SNX1: variants seen among roughly 807,000 people sequenced by gnomAD.
SNX1 encodes the protein sorting nexin 1, also known as sorting nexin-1.
A neutral mutation model predicts 71.8 loss-of-function variants in SNX1; 36 were observed. The observed-to-expected ratio is 0.50, with a 90% CI of 0.38 to 0.66. The LOEUF (loss-of-function observed/expected upper bound fraction) is 0.66. Among genes scored for constraint, SNX1 ranks in the 30% least tolerant of loss-of-function variants. SNX1 has a pLI of 0.00. For synonymous variants in SNX1, 254 were observed against 240.7 expected (o/e 1.06, Z -0.51); for missense variants, 612 against 646.7 (o/e 0.95, Z 0.58).
intron 2 of SNX1, among the ~76,000 whole-genome samples, chr15:64,117,449 G>T (rs2081141802): frequency 6.6e-6 from 1 of 151,976 alleles, no homozygotes; most frequent in African/African-American, 2.4e-5. Context: ...GTAGAGACGG[G>T]GTTTCACCAT....
At chr15:64,096,363 A>T (rs988712621) in intron 1 of SNX1, among the ~76,000 whole-genome samples, 191 bp downstream of exon 1, 1 of 152,170 alleles carries the variant, frequency 6.6e-6, no homozygotes, top group Non-Finnish European at 1.5e-5. Flanking sequence ...AGGCGGGAAG[A>T]GTAAAGAATG....
At chr15:64,096,819 T>C (rs1355270224) in intron 1 of SNX1, among the ~76,000 whole-genome samples, 6 of 152,246 alleles carry the variant, frequency 3.9e-5, no homozygotes, top group Non-Finnish European at 8.8e-5. Context: ...CGTACCTCAC[T>C]GGGAGCAAAT....
chr15:64,119,390 G>A (rs1156711180), intron 4 of SNX1, among the ~76,000 whole-genome samples: 4 of 151,838 alleles, frequency 2.6e-5, no homozygotes, highest in African/African-American at 4.8e-5. Flanking sequence ...TTAAAGCACC[G>A]AGATTACAGG....
In SNX1 at chr15:64,136,464, A is replaced by G. The variant is rs1162975137; in HGVS notation, c.1446+54A>G. The G allele has an allele frequency of 3.5e-6, 5 of 1,425,838 alleles. No individual in the cohort carries two copies. In the East Asian group the frequency reaches 1.1e-4, roughly 32 times the overall value. 88.3% of individuals were successfully genotyped at this position (1,425,838 alleles called of 1,614,324 possible). On this transcript the variant is annotated intron_variant, in intron 13 of 14. Transcript: ENST00000559844. Reference sequence around the variant, plus strand: ...AGCATGCAGTGCTTGTTTTGGGAGTACTCTTGGTGTTGTCCAACTCTGTTG... The same window carrying G: ...AGCATGCAGTGCTTGTTTTGGGAGTGCTCTTGGTGTTGTCCAACTCTGTTG...
chr15:64,127,905 G>T, intron 8 of SNX1, 99 bp downstream of exon 8: 1 of 773,680 alleles, frequency 1.3e-6, no homozygotes, highest in Non-Finnish European at 2.2e-6. Context: ...AACATGCCTA[G>T]TACTAGACTG....
chr15:64,131,788 G>C lies in SNX1; in HGVS notation c.1117G>C (p.Val373Leu). Reference protein sequence around the residue: ...LSRALSQLAEVEEKIEQLHQE... With the variant: ...LSRALSQLAELEEKIEQLHQE... ...ACGGGCACTCTCCCAGCTGGCTGAG[G>C]TGGAAGAAAAAATTGAGCAGCTCCA... Residue 373 changes from valine (V) to leucine (L), a missense_variant, in exon 11 of 15, where the codon GTG becomes CTG. Physicochemically the swap from Val to Leu is conservative, Grantham distance 32. This residue lies in a region of SNX1 where 296 missense variants were observed against 361.9 expected (regional missense o/e 0.82). Transcript: ENST00000559844. 1 of 1,614,200 alleles carries C rather than the reference G, an allele frequency of 6.2e-7. No homozygotes were observed. The highest frequency in any genetic ancestry group is 8.5e-7 in the Non-Finnish European group (1 of 1,180,034).
At chr15:64,127,653 T>C in intron 7 of SNX1, 78 bp from the exon 8 acceptor site, 1 of 992,610 alleles carries the variant, frequency 1.0e-6, no homozygotes, top group Non-Finnish European at 1.6e-6. Flanking sequence ...AGACATGGTA[T>C]CACTGCCAGC....
Position 64,138,405 on chromosome 15 carries a change from G to T in SNX1, c.*787G>T. On this transcript the variant is annotated 3_prime_UTR_variant, in exon 15 of 15. Transcript: ENST00000559844. ...TCTTCCTGCTTCCCTAAGCTGCTCAGGGTTCTCTGAGTCTTGCCCTCTGAT... is the reference window on the plus strand; with the variant it reads ...TCTTCCTGCTTCCCTAAGCTGCTCATGGTTCTCTGAGTCTTGCCCTCTGAT... The T allele has an allele frequency of 1.9e-6, 1 of 517,590 alleles. No individual in the cohort carries two copies. Among genetic ancestry groups the T allele is most frequent in the South Asian group, 3.0e-5 (1 of 32,852 alleles). The allele number at this position is 517,590 out of a possible 1,614,324, so 32.1% of individuals were successfully genotyped here.
Position 64,131,801 on chromosome 15 carries a change from T to C in SNX1, c.1130T>C (p.Ile377Thr), listed in dbSNP as rs1310645644. 1.2e-6 allele frequency: 2 copies of C among 1,614,132 alleles called. No individual in the cohort carries two copies. Among genetic ancestry groups the C allele is most frequent in the Non-Finnish European group, 1.7e-6 (2 of 1,180,028 alleles). Reference protein sequence around the residue: ...LSQLAEVEEKIEQLHQEQANN... With the variant: ...LSQLAEVEEKTEQLHQEQANN... ...CAGCTGGCTGAGGTGGAAGAAAAAATTGAGCAGCTCCACCAGGAACAGGCC... is the reference window on the plus strand; with the variant it reads ...CAGCTGGCTGAGGTGGAAGAAAAAACTGAGCAGCTCCACCAGGAACAGGCC... The change falls in exon 11 of 15, where the codon ATT (isoleucine) becomes ACT (threonine). Residue 377 changes from isoleucine to threonine, a missense_variant. Around this residue, in one of 2 missense-constraint regions of SNX1, gnomAD observed 296 missense variants for 361.9 expected, o/e 0.82. Transcript: ENST00000559844.
intron 1 of SNX1, among the ~76,000 whole-genome samples, chr15:64,107,825 T>C (rs2081037719): frequency 6.6e-6 from 1 of 152,208 alleles, no homozygotes; most frequent in South Asian, 2.1e-4. Flanking sequence ...GAATAGTTTC[T>C]TGCCTAGAAA....
chr15:64,103,486 G>A (rs539678178), intron 1 of SNX1, among the ~76,000 whole-genome samples: 2 of 152,204 alleles, frequency 1.3e-5, no homozygotes, highest in East Asian at 3.9e-4. Context: ...CATGAAAATT[G>A]TATGGTTTGG....
intron 3 of SNX1, among the ~76,000 whole-genome samples, chr15:64,118,460 A>G (rs1396190854): frequency 6.6e-6 from 1 of 152,252 alleles, no homozygotes; most frequent in Non-Finnish European, 1.5e-5. Flanking sequence ...GTTACTAAAG[A>G]TACTTAGTGT....
In SNX1 at chr15:64,096,061, G is replaced by T; in HGVS notation, c.48G>T (p.Pro16=). 1 of 1,587,080 alleles carries T rather than the reference G, an allele frequency of 6.3e-7. No homozygotes were observed. Among genetic ancestry groups the T allele is most frequent in the African/African-American group, 1.3e-5 (1 of 74,886 alleles). ...GGCSASERLP[P]PFPGLEPESE... Reference sequence around the variant, plus strand: ...GTAGCGCTTCGGAGAGACTGCCTCCGCCCTTCCCCGGCCTGGAGCCGGAGT... The same window carrying T: ...GTAGCGCTTCGGAGAGACTGCCTCCTCCCTTCCCCGGCCTGGAGCCGGAGT... Residue 16 remains proline (P), a synonymous_variant, in exon 1 of 15, where the codon CCG becomes CCT. Coordinates refer to ENST00000559844, the MANE Select transcript of SNX1 (RefSeq NM_003099.5).
Position 64,118,842 on chromosome 15 carries a change from C to A in SNX1, c.454C>A (p.Pro152Thr). The A allele has an allele frequency of 1.9e-6, 3 of 1,612,294 alleles. No individual in the cohort carries two copies. Among genetic ancestry groups the A allele is most frequent in the South Asian group, 1.1e-5 (1 of 90,996 alleles). The change falls in exon 4 of 15, where the codon CCT (proline) becomes ACT (threonine). Residue 152 changes from proline to threonine, a missense_variant. By Grantham distance (38) the Pro-to-Thr change is conservative. Around this residue, in one of 2 missense-constraint regions of SNX1, gnomAD observed 316 missense variants for 284.9 expected, o/e 1.11. Transcript: ENST00000559844. ...QFDLTVGITD[P>T]EKIGDGMNAY... ...TGATTTGACAGTCGGTATAACTGAT[C>A]CTGAGAAGATAGGTAAGTGGTTCTT...
In SNX1 at chr15:64,129,851, A is replaced by G. The variant is rs987010772; in HGVS notation, c.808-65A>G. The G allele has an allele frequency of 4.3e-6, 5 of 1,172,072 alleles. No individual in the cohort carries two copies. Among genetic ancestry groups the G allele is most frequent in the Non-Finnish European group, 6.4e-6 (5 of 778,880 alleles). The allele number at this position is 1,172,072 out of a possible 1,614,324, so 72.6% of individuals were successfully genotyped here. ...TTTGGCATGCCATCTGATGGATACT[A>G]ATTCTTCTGAACCTAAAATAGGGGC... On this transcript the variant is annotated intron_variant, in intron 8 of 14. Transcript: ENST00000559844. The surrounding 1 kb of genome is among the most constrained non-coding windows in gnomAD (Gnocchi z 4.4).
intron 4 of SNX1, among the ~76,000 whole-genome samples, chr15:64,120,632 C>G (rs1325861421): frequency 6.6e-6 from 1 of 151,962 alleles, no homozygotes; most frequent in Non-Finnish European, 1.5e-5. Flanking sequence ...CCCAACATGG[C>G]AAGACCATGA....
chr15:64,130,354 G>A (rs1363957372), intron 10 of SNX1, 33 bp downstream of exon 10: 1 of 1,549,164 alleles, frequency 6.5e-7, no homozygotes, highest in African/African-American at 1.4e-5. Flanking sequence ...TGGAGCTAGG[G>A]GAAATTGTTG....
At chr15:64,101,682 A>G (rs781041114) in intron 1 of SNX1, among the ~76,000 whole-genome samples, 1 of 152,144 alleles carries the variant, frequency 6.6e-6, no homozygotes, top group Admixed American at 6.5e-5. Flanking sequence ...GAACCTCCAT[A>G]CTGCTTTCCA....
intron 1 of SNX1, 137 bp downstream of exon 1, chr15:64,096,309 C>A: frequency 9.5e-7 from 1 of 1,052,844 alleles, no homozygotes; most frequent in Non-Finnish European, 1.3e-6. Flanking sequence ...GCCCCGGGGA[C>A]CCTGGATGTG....
Sources: gnomAD v4.1 joint callset for allele counts (sites outside exome capture counted in the v4.1 genomes callset) on GRCh38, gnomAD v4.1.1 for gene constraint, gnomAD v4.1.1 regional missense constraint, Gnocchi (gnomAD v3.1) non-coding constraint, MANE v1.5 for transcripts, NCBI Gene and HGNC (gene_info 2026-07-23, HGNC 2026-07-21) for gene names.